GPR158: variants seen among roughly 807,000 people sequenced by gnomAD.
GPR158 encodes G protein-coupled receptor 158.
A neutral mutation model predicts 78.2 loss-of-function variants in GPR158; 30 were observed. The ratio of observed to expected loss-of-function variants is 0.38; its 90% CI spans 0.29 to 0.52. The LOEUF is 0.52. Ranked by LOEUF, GPR158 falls within the 20% of genes least tolerant of loss-of-function variation. The pLI is 0.83. For missense variants in GPR158, 1,463 were observed against 1,523.5 expected (o/e 0.96, Z 0.66); for synonymous variants, 581 against 591.1 (o/e 0.98, Z 0.25).
At chr10:25,470,951 GTCT>G in intron 5 of GPR158, among the ~76,000 whole-genome samples, 1 of 140,232 alleles carries the variant, frequency 7.1e-6, no homozygotes, top group Non-Finnish European at 1.5e-5. Flanking sequence ...CCTCTTTGAT[GTCT>G]TCTTTTTTTT....
rs370998956 is a variant in GPR158 at position 25,248,187 on chromosome 10, G to T, written c.1008+27030G>T. Reference sequence around the variant, plus strand: ...TGTTTGTTTTTTTCTTGTAAATTTGGTTGAGTTCATTGTAGATTCTGGATA... The same window carrying T: ...TGTTTGTTTTTTTCTTGTAAATTTGTTTGAGTTCATTGTAGATTCTGGATA... On this transcript the variant is annotated intron_variant, in intron 2 of 10. Coordinates refer to ENST00000376351, the MANE Select transcript of GPR158 (RefSeq NM_020752.3). Among the ~76,000 whole-genome samples, 134 of 151,734 alleles carry T rather than the reference G, an allele frequency of 8.8e-4. 1 individual carries two copies. Among genetic ancestry groups the T allele is most frequent in the Middle Eastern group, 3.4e-3 (1 of 294 alleles).
chr10:25,221,076 T>C lies in GPR158; in HGVS notation c.927T>C (p.Asn309=). The stretch of plus-strand genomic sequence containing the variant: ...GGGGTGTCATGAAAGTTGACATAAA[T>C]CTTCAGAAAGTGGACATTGACCAAT... The part of the protein sequence containing the change: ...EFRGVMKVDI[N]LQKVDIDQCS... The change falls in exon 2 of 11, where the codon AAT becomes AAC. Residue 309 remains asparagine, a synonymous_variant. Coordinates refer to ENST00000376351, the MANE Select transcript of GPR158 (RefSeq NM_020752.3). 6.3e-7 allele frequency: 1 copy of C among 1,589,590 alleles called. No individual in the cohort carries two copies. Among genetic ancestry groups the C allele is most frequent in the Non-Finnish European group, 8.6e-7 (1 of 1,160,016 alleles).
At chr10:25,334,925 G>A (rs568949995) in intron 2 of GPR158, among the ~76,000 whole-genome samples, 1 of 152,062 alleles carries the variant, frequency 6.6e-6, no homozygotes, top group African/African-American at 2.4e-5. Flanking sequence ...TGCAGGTGAG[G>A]GAATGGACGG....
intron 2 of GPR158, among the ~76,000 whole-genome samples, chr10:25,274,848 T>C (rs1564408217): frequency 6.6e-6 from 1 of 152,210 alleles, no homozygotes; most frequent in Non-Finnish European, 1.5e-5. Flanking sequence ...TAAATTTCTC[T>C]TCATCATCAG....
intron 5 of GPR158, among the ~76,000 whole-genome samples, chr10:25,482,178 C>A (rs1161045773): frequency 1.3e-5 from 2 of 152,004 alleles, no homozygotes; most frequent in African/African-American, 2.4e-5. Context: ...CTTCCATGCC[C>A]TAAAATTCTA....
At chr10:25,223,071 G>T (rs572764653) in intron 2 of GPR158, among the ~76,000 whole-genome samples, 2 of 151,980 alleles carry the variant, frequency 1.3e-5, no homozygotes, top group Non-Finnish European at 2.9e-5. Context: ...AATAAACTAG[G>T]TTATTTCAAG....
chr10:25,223,348 C>G lies in GPR158; in HGVS notation c.1008+2191C>G, dbSNP rs77920456. 8.0e-3 allele frequency among the ~76,000 whole-genome samples: 1,211 copies of G among 152,224 alleles called. 5 individuals carry two copies. The highest frequency in any genetic ancestry group is 0.014 in the Non-Finnish European group (935 of 68,020). ...GGTACTGGAGTTGGGAAGAAAGAATCTTTGTGTCGTGGGCTATGCTCAGGA... is the reference window on the plus strand; with the variant it reads ...GGTACTGGAGTTGGGAAGAAAGAATGTTTGTGTCGTGGGCTATGCTCAGGA... On this transcript the variant is annotated intron_variant, in intron 2 of 10. Transcript: ENST00000376351.
chr10:25,564,347 G>GTACTT (rs1836900852), intron 6 of GPR158, among the ~76,000 whole-genome samples: 1 of 152,012 alleles, frequency 6.6e-6, no homozygotes, highest in Admixed American at 6.6e-5. Flanking sequence ...AAATATATTG[G>GTACTT]TACTTTTCAA....
intron 2 of GPR158, among the ~76,000 whole-genome samples, chr10:25,335,618 C>T (rs1035212651): frequency 3.3e-5 from 5 of 151,944 alleles, no homozygotes; most frequent in Non-Finnish European, 5.9e-5. Flanking sequence ...CTCTCCCTAC[C>T]CAGAGATTTG....
intron 2 of GPR158, among the ~76,000 whole-genome samples, chr10:25,270,345 T>C (rs977558507): frequency 6.6e-6 from 1 of 152,146 alleles, no homozygotes; most frequent in African/African-American, 2.4e-5. Flanking sequence ...TTTCCTCCGA[T>C]GTGCAGGGGA....
chr10:25,200,895 A>G (rs1852917785), intron 1 of GPR158, among the ~76,000 whole-genome samples: 2 of 122,876 alleles, frequency 1.6e-5, no homozygotes, highest in African/African-American at 5.9e-5. Context: ...TTTCAGTACC[A>G]TGCTGTTTTG....
chr10:25,408,328 G>A (rs1045810120), intron 3 of GPR158, among the ~76,000 whole-genome samples: 2 of 152,140 alleles, frequency 1.3e-5, no homozygotes, highest in East Asian at 1.9e-4. Flanking sequence ...AGGATTCACT[G>A]TCCTTTGTTG....
intron 2 of GPR158, among the ~76,000 whole-genome samples, chr10:25,362,692 C>G (rs573403897): frequency 1.5e-4 from 23 of 151,882 alleles, no homozygotes; most frequent in Middle Eastern, 3.4e-3. Context: ...CTAACTATCT[C>G]AACTCTTTTT....
intron 2 of GPR158, among the ~76,000 whole-genome samples, chr10:25,368,256 A>G (rs374625723): frequency 6.6e-6 from 1 of 151,482 alleles, no homozygotes. Context: ...TTCAGGATCT[A>G]CTTCTGATGT....
chr10:25,593,124 G>A (rs2130751338), intron 8 of GPR158, among the ~76,000 whole-genome samples: 1 of 151,670 alleles, frequency 6.6e-6, no homozygotes, highest in Non-Finnish European at 1.5e-5. Context: ...TATGTTACAA[G>A]CCTATTTGGT....
chr10:25,294,294 G>C (rs1367082082), intron 2 of GPR158, among the ~76,000 whole-genome samples: 1 of 152,032 alleles, frequency 6.6e-6, no homozygotes, highest in East Asian at 1.9e-4. Flanking sequence ...GAGAAACTTT[G>C]TGAGTCATAA....
At chr10:25,192,353 T>G (rs545510396) in intron 1 of GPR158, among the ~76,000 whole-genome samples, 1 of 152,328 alleles carries the variant, frequency 6.6e-6, no homozygotes, top group South Asian at 2.1e-4. Flanking sequence ...CCTTTATAAG[T>G]TACCCAGTCT....
chr10:25,557,438 A>G (rs1836800777), intron 6 of GPR158, among the ~76,000 whole-genome samples: 1 of 152,214 alleles, frequency 6.6e-6, no homozygotes, highest in African/African-American at 2.4e-5. Flanking sequence ...GAAAACAAGC[A>G]TGAAACTTTC....
chr10:25,554,919 C>T (rs1184807489), intron 6 of GPR158, among the ~76,000 whole-genome samples: 3 of 151,970 alleles, frequency 2.0e-5, no homozygotes, highest in Admixed American at 2.0e-4. Flanking sequence ...TTTGCCTACA[C>T]CCCAGGCAGA....
Sources: allele counts gnomAD v4.1 joint callset (sites outside exome capture counted in the v4.1 genomes callset), GRCh38; gene constraint gnomAD v4.1.1; transcripts MANE v1.5; gene names NCBI Gene and HGNC (gene_info 2026-07-23, HGNC 2026-07-21).